The following ITIH6 variants were observed in gnomAD, a reference collection of about 807,000 sequenced individuals.
ITIH6 encodes the protein inter-alpha-trypsin inhibitor heavy chain H6.
Under a neutral mutation model 58.2 loss-of-function variants are expected in ITIH6, and 60 were observed. That is an observed-to-expected ratio of 1.03 (90% CI 0.84 to 1.28). ITIH6 has a LOEUF of 1.28. ITIH6 is among the 50% of genes most tolerant of loss of function. The probability of loss-of-function intolerance (pLI) is 0.00; values close to 1 mark genes in which losing one functional copy is unlikely to be tolerated. For synonymous variants in ITIH6, 493 were observed against 417.4 expected (o/e 1.18, Z -2.21); for missense variants, 1,290 against 1,021.1 (o/e 1.26, Z -3.59).
chrX:54,757,386 T>TGGG lies in ITIH6; in HGVS notation c.2685_2687dup (p.Pro896dup), dbSNP rs745670469. The TGGG allele has an allele frequency of 8.3e-6, 10 of 1,209,491 alleles. No homozygotes were observed. Among genetic ancestry groups the TGGG allele is most frequent in the Non-Finnish European group, 1.1e-5 (10 of 894,539 alleles). On this transcript the variant is annotated inframe_insertion, in exon 8 of 13. Coordinates refer to ENST00000218436, the MANE Select transcript of ITIH6 (RefSeq NM_198510.3). ...GGAATGTGCTTAGGCTCTCAGGAAGTGGGGGCCTTGGTCTGTCAGGTCTAG... is the reference window on the plus strand; with the variant it reads ...GGAATGTGCTTAGGCTCTCAGGAAGTGGGGGGGGCCTTGGTCTGTCAGGTCTAG...
rs35355718 is a variant in ITIH6, at chrX:54,751,224, C to G, written c.3509G>C (p.Gly1170Ala). Reference sequence around the variant, plus strand: ...TTGGTCCCAGGACAGGCGCAAGGTACCCTCGCCTCGCAAAGATATAGAACT... The same window carrying G: ...TTGGTCCCAGGACAGGCGCAAGGTAGCCTCGCCTCGCAAAGATATAGAACT... ...SRSSISLRGE[G>A]TLRLSWDQPA... The change falls in exon 12 of 13, where the codon GGT (glycine) becomes GCT (alanine). Residue 1170 changes from glycine to alanine, a missense_variant. Coordinates refer to ENST00000218436, the MANE Select transcript of ITIH6 (RefSeq NM_198510.3). 4,886 of 1,210,105 alleles carry G rather than the reference C, an allele frequency of 4.0e-3. 129 individuals are homozygous for G. The African/African-American group carries it at 0.075, about 19-fold the overall frequency.
In ITIH6 at chrX:54,772,944, T is replaced by C. The variant is rs1569544136; in HGVS notation, c.903+1137A>G. Reference sequence around the variant, plus strand: ...CACCACCACACCTGGCTAATTTTTGTATTTTTAGTAGAGACAGGGTTTTGC... The same window carrying C: ...CACCACCACACCTGGCTAATTTTTGCATTTTTAGTAGAGACAGGGTTTTGC... On this transcript the variant is annotated intron_variant, in intron 6 of 12. Coordinates refer to ENST00000218436, the MANE Select transcript of ITIH6 (RefSeq NM_198510.3). Among the ~76,000 whole-genome samples the C allele has an allele frequency of 2.7e-5, 3 of 111,521 alleles. No homozygotes were observed. The Admixed American group carries it at 2.9e-4, about 11-fold the overall frequency.
intron 6 of ITIH6, among the ~76,000 whole-genome samples, chrX:54,773,562 G>A (rs1928994506): frequency 9.0e-6 from 1 of 111,173 alleles, no homozygotes; most frequent in Non-Finnish European, 1.9e-5. Context: ...AAGCCTGCTT[G>A]GTCTACGGCC....
intron 2 of ITIH6, among the ~76,000 whole-genome samples, chrX:54,794,763 G>C (rs952577978): frequency 9.0e-6 from 1 of 111,272 alleles, no homozygotes; most frequent in East Asian, 2.9e-4. Context: ...GGCTGAACAA[G>C]GGTGGATATT....
chrX:54,775,753 A>G (rs1929038078), intron 5 of ITIH6, among the ~76,000 whole-genome samples: 1 of 110,891 alleles, frequency 9.0e-6, no homozygotes, highest in Non-Finnish European at 1.9e-5. Context: ...AGTGCAGATC[A>G]CTCCTGGGGA....
chrX:54,759,719 C>G (rs773565672), intron 7 of ITIH6, 37 bp downstream of exon 7: 9 of 1,142,811 alleles, frequency 7.9e-6, no homozygotes, highest in Admixed American at 2.4e-5. Flanking sequence ...CATATCACCA[C>G]AGCCTGCCCA....
rs779116088 is a variant in ITIH6, at chrX:54,757,727, G to A, written c.2347C>T (p.His783Tyr). The A allele has an allele frequency of 8.3e-7, 1 of 1,209,678 alleles. No individual in the cohort carries two copies. Among genetic ancestry groups the A allele is most frequent in the African/African-American group, 1.8e-5 (1 of 57,089 alleles). The change falls in exon 8 of 13, where the codon CAT becomes TAT. Residue 783 changes from histidine (H) to tyrosine (Y), a missense_variant. By Grantham distance (83) the His-to-Tyr change is moderately conservative (BLOSUM62 2). Coordinates refer to ENST00000218436, the MANE Select transcript of ITIH6 (RefSeq NM_198510.3). ...ADTVKCVTPLHSKPGAPSHPQ... is the reference protein window; with the variant it reads ...ADTVKCVTPLYSKPGAPSHPQ... The stretch of plus-strand genomic sequence containing the variant: ...TGCGATGGAGCACCAGGTTTGGAAT[G>A]CAGTGGAGTAACACATTTCACAGTG...
At chrX:54,774,313 C>A in intron 5 of ITIH6, 116 bp from the exon 6 acceptor site, 1 of 363,416 alleles carries the variant, frequency 2.8e-6, no homozygotes, top group Non-Finnish European at 4.9e-6. Context: ...CAGGACTTCT[C>A]ACTGTTTCTA....
At chrX:54,772,929 C>G (rs1928982069) in intron 6 of ITIH6, among the ~76,000 whole-genome samples, 1 of 111,384 alleles carries the variant, frequency 9.0e-6, no homozygotes, top group African/African-American at 3.3e-5. Context: ...CACCACCACA[C>G]CTGGCTAATT....
At chrX:54,790,752 A>T in intron 4 of ITIH6, 85 bp downstream of exon 4, 1 of 1,115,708 alleles carries the variant, frequency 9.0e-7, no homozygotes, top group East Asian at 3.0e-5. Context: ...CAGAAGTGGC[A>T]CTAGAGGGAA....
At chrX:54,766,722 C>T (rs1307690512) in intron 6 of ITIH6, among the ~76,000 whole-genome samples, 3 of 98,540 alleles carry the variant, frequency 3.0e-5, no homozygotes, top group Non-Finnish European at 5.9e-5. Flanking sequence ...ACCAGCCTTG[C>T]ATCCCAGGGA....
At chrX:54,784,048 A>G (rs1210889744) in intron 5 of ITIH6, among the ~76,000 whole-genome samples, 1 of 111,900 alleles carries the variant, frequency 8.9e-6, no homozygotes, top group Non-Finnish European at 1.9e-5. Context: ...CTATAGTGAA[A>G]TGATTTTCAA....
In ITIH6 at chrX:54,758,224, C is replaced by A; in HGVS notation, c.1850G>T (p.Ser617Ile). The change falls in exon 8 of 13, where the codon AGT (serine) becomes ATT (isoleucine). Residue 617 changes from serine (S) to isoleucine (I), a missense_variant. By Grantham distance (142) the Ser-to-Ile change is moderately radical. Coordinates refer to ENST00000218436, the MANE Select transcript of ITIH6 (RefSeq NM_198510.3). ...SLVMVQPKQA[S>I]EETRRQTSTS... Reference sequence around the variant, plus strand: ...GGAAGTCTGTCTCCTGGTCTCCTCACTGGCCTGTTTGGGTTGCACCATGAC... The same window carrying A: ...GGAAGTCTGTCTCCTGGTCTCCTCAATGGCCTGTTTGGGTTGCACCATGAC... 8.3e-7 allele frequency: 1 copy of A among 1,211,212 alleles called. No individual in the cohort carries two copies. The highest frequency in any genetic ancestry group is 1.1e-6 in the Non-Finnish European group (1 of 895,208).
At position 54,758,143 on chromosome X, in the gene ITIH6, C is replaced by T. The variant is rs1243663092; in HGVS notation, c.1931G>A (p.Gly644Glu). 2.5e-6 allele frequency: 3 copies of T among 1,211,716 alleles called. No individual in the cohort carries two copies. The highest frequency in any genetic ancestry group is 4.3e-5 in the Admixed American group (2 of 46,076). ...MPSSSSRHGL[G>E]VSTAQPALVP... ...CAAGGCTGGCTGAGCTGTGCTTACC[C>T]CTAGGCCATGCCTGCTGCTGGATGA... Residue 644 changes from glycine to glutamate, a missense_variant, in exon 8 of 13, where the codon GGG (glycine) becomes GAG (glutamate). Transcript: ENST00000218436.
chrX:54,770,420 C>G (rs991500719), intron 6 of ITIH6, among the ~76,000 whole-genome samples: 3 of 112,946 alleles, frequency 2.7e-5, no homozygotes, highest in African/African-American at 9.6e-5. Context: ...ATTCTTTACT[C>G]TTATGTCTTC....
rs768019939 is a variant in ITIH6 at position 54,778,492 on chromosome X, G to T, written c.787-4295C>A. ...TTAAAGGCATGAGCCACTGCACCCG[G>T]CCTGCACCTGAGTTTTTTAAAAGCA... On this transcript the variant is annotated intron_variant, in intron 5 of 12. Coordinates refer to ENST00000218436, the MANE Select transcript of ITIH6 (RefSeq NM_198510.3). Among the ~76,000 whole-genome samples the T allele has an allele frequency of 3.0e-4, 33 of 111,814 alleles. 1 individual carries two copies. The highest frequency in any genetic ancestry group is 5.5e-4 in the Non-Finnish European group (29 of 53,207).
chrX:54,756,651 CA>C (rs1481455329), intron 8 of ITIH6, among the ~76,000 whole-genome samples: 1 of 111,728 alleles, frequency 9.0e-6, no homozygotes, highest in Non-Finnish European at 1.9e-5. Flanking sequence ...GAAGCATCAG[CA>C]ATTCTTTTGT....
chrX:54,759,405 C>T (rs773808047), intron 7 of ITIH6, among the ~76,000 whole-genome samples: 2 of 111,814 alleles, frequency 1.8e-5, no homozygotes, highest in South Asian at 3.8e-4. Context: ...GAGACGATTG[C>T]TTAAAAGCTA....
At position 54,774,204 on chromosome X, in the gene ITIH6, C is replaced by CAAAAA; in HGVS notation, c.787-12_787-8dup. On this transcript the variant is annotated splice_region_variant and splice_polypyrimidine_tract_variant and intron_variant, in intron 5 of 12. Transcript: ENST00000218436. Reference sequence around the variant, plus strand: ...TGAAATAGTCATCGTAAATCTGGACCAAAAAAAAAAAAAAAAAAGTAGAAC... The same window carrying CAAAAA: ...TGAAATAGTCATCGTAAATCTGGACCAAAAAAAAAAAAAAAAAAAAAAAGTAGAAC... 1.7e-6 allele frequency: 1 copy of CAAAAA among 597,398 alleles called. No individual in the cohort carries two copies. The highest frequency in any genetic ancestry group is 2.4e-6 in the Non-Finnish European group (1 of 423,049). The allele number at this position is 597,398 out of a possible 1,213,427, so 49.2% of individuals were successfully genotyped here.
Sources: gnomAD v4.1 joint callset for allele counts (sites outside exome capture counted in the v4.1 genomes callset) on GRCh38, gnomAD v4.1.1 for gene constraint, MANE v1.5 for transcripts, NCBI Gene and HGNC (gene_info 2026-07-23, HGNC 2026-07-21) for gene names.